PCDH9: variants seen among roughly 807,000 people sequenced by gnomAD.
The protein encoded by PCDH9 is protocadherin-9.
PCDH9 carries 24 observed loss-of-function variants against 70.6 expected under a neutral mutation model. The ratio of observed to expected loss-of-function variants is 0.34; its 90% confidence interval spans 0.25 to 0.48. The LOEUF (loss-of-function observed/expected upper bound fraction) is 0.48, where lower values mean the gene tolerates loss of function less well. Ranked by LOEUF, PCDH9 falls within the 20% of genes least tolerant of loss-of-function variation. The probability of loss-of-function intolerance (pLI) is 0.99; values close to 1 mark genes in which losing one functional copy is unlikely to be tolerated. For missense variants in PCDH9, 1,281 were observed against 1,503.6 expected, an observed-to-expected ratio of 0.85 and a Z score of 2.45; for synonymous variants, 562 against 558.5, an observed-to-expected ratio of 1.01 and a Z score of -0.09.
chr13:66,929,459 G>A lies in PCDH9; in HGVS notation c.3037-25854C>T, dbSNP rs1321383552. On this transcript the variant is annotated intron_variant, in intron 2 of 4. Coordinates refer to ENST00000377865, the MANE Select transcript of PCDH9 (RefSeq NM_203487.3). The stretch of plus-strand genomic sequence containing the variant: ...CTGCCTCAGCCTCCCTTGTAACTGT[G>A]ATTACAGGCATGTGCCACCACACCC... 3.9e-5 allele frequency among the ~76,000 whole-genome samples: 6 copies of A among 151,968 alleles called. No homozygotes were observed. In the South Asian group the frequency reaches 1.3e-3, roughly 32 times the overall value.
intron 2 of PCDH9, among the ~76,000 whole-genome samples, chr13:67,199,836 G>A (rs1055334267): frequency 6.6e-6 from 1 of 151,974 alleles, no homozygotes; most frequent in Admixed American, 6.6e-5. Flanking sequence ...ATTTATGGGT[G>A]GAACGTGAAA....
At chr13:67,183,401 T>C (rs1274103046) in intron 2 of PCDH9, among the ~76,000 whole-genome samples, 1 of 152,198 alleles carries the variant, frequency 6.6e-6, no homozygotes, top group African/African-American at 2.4e-5. Context: ...CTGCTTCCTG[T>C]CTTTTCTTTT....
intron 3 of PCDH9, among the ~76,000 whole-genome samples, chr13:66,675,406 A>G (rs536463572): frequency 2.0e-5 from 3 of 152,296 alleles, no homozygotes; most frequent in South Asian, 2.1e-4. Context: ...TTGCAAACTT[A>G]GTAGAGTCTG....
chr13:67,085,890 C>T (rs889822033), intron 2 of PCDH9, among the ~76,000 whole-genome samples: 4 of 152,072 alleles, frequency 2.6e-5, no homozygotes, highest in South Asian at 2.1e-4. Flanking sequence ...TTTATACATG[C>T]GAATAGGTAA....
chr13:67,144,902 A>G (rs1351688603), intron 2 of PCDH9, among the ~76,000 whole-genome samples: 1 of 152,122 alleles, frequency 6.6e-6, no homozygotes, highest in East Asian at 1.9e-4. Context: ...CATGTTTGTC[A>G]GTGATTTAAA....
intron 4 of PCDH9, among the ~76,000 whole-genome samples, chr13:66,564,314 G>T (rs1316549175): frequency 1.3e-5 from 2 of 151,254 alleles, no homozygotes; most frequent in Non-Finnish European, 2.9e-5. Flanking sequence ...ACAGGTGCAC[G>T]CCACTATGCA....
intron 3 of PCDH9, among the ~76,000 whole-genome samples, chr13:66,652,156 A>T (rs2077861730): frequency 6.6e-6 from 1 of 152,102 alleles, no homozygotes; most frequent in South Asian, 2.1e-4. Flanking sequence ...TAGTTAGAAC[A>T]ATTACACAAG....
At chr13:67,123,422 C>T (rs1010683759) in intron 2 of PCDH9, among the ~76,000 whole-genome samples, 1 of 152,182 alleles carries the variant, frequency 6.6e-6, no homozygotes, top group African/African-American at 2.4e-5. Context: ...AAGAAAGATA[C>T]TTCCTTCCTT....
chr13:66,326,594 A>G (rs929057666), intron 4 of PCDH9, among the ~76,000 whole-genome samples: 33 of 151,710 alleles, frequency 2.2e-4, no homozygotes, highest in South Asian at 4.2e-4. Context: ...GATTTTTTGT[A>G]TTTTCACTAG....
intron 3 of PCDH9, among the ~76,000 whole-genome samples, chr13:66,681,950 CATATATAT>C (rs56280836): frequency 7.7e-6 from 1 of 130,370 alleles, no homozygotes; most frequent in Non-Finnish European, 1.6e-5. Context: ...TATATACAAA[CATATATAT>C]ATATATATAT....
At chr13:67,062,550 T>C (rs562948735) in intron 2 of PCDH9, among the ~76,000 whole-genome samples, 1 of 152,292 alleles carries the variant, frequency 6.6e-6, no homozygotes, top group Admixed American at 6.5e-5. Flanking sequence ...CAGAGACTGA[T>C]GTATATTGAA....
At chr13:66,707,701 A>G (rs2078729623) in intron 3 of PCDH9, among the ~76,000 whole-genome samples, 1 of 152,218 alleles carries the variant, frequency 6.6e-6, no homozygotes. Flanking sequence ...CAGGTCACTC[A>G]CTTATCTTTT....
chr13:67,165,780 A>G (rs1002600814), intron 2 of PCDH9, among the ~76,000 whole-genome samples: 1 of 152,166 alleles, frequency 6.6e-6, no homozygotes, highest in Non-Finnish European at 1.5e-5. Flanking sequence ...TAAAAATACA[A>G]GTTTATTTCC....
At chr13:66,924,507 A>T (rs908351288) in intron 2 of PCDH9, among the ~76,000 whole-genome samples, 2 of 151,674 alleles carry the variant, frequency 1.3e-5, no homozygotes, top group African/African-American at 2.4e-5. Flanking sequence ...ATTCTACTTA[A>T]AATTAGATTC....
chr13:66,859,137 A>G (rs2081440492), intron 3 of PCDH9: 1 of 152,170 alleles, frequency 6.6e-6, no homozygotes, highest in Non-Finnish European at 1.5e-5. Flanking sequence ...CCTGATTTTT[A>G]TAAAGAACAA....
intron 3 of PCDH9, among the ~76,000 whole-genome samples, chr13:66,656,732 G>C (rs772544923): frequency 2.0e-5 from 3 of 152,172 alleles, no homozygotes; most frequent in Admixed American, 6.5e-5. Context: ...ATATTCACTA[G>C]AGAATATTCT....
intron 4 of PCDH9, among the ~76,000 whole-genome samples, chr13:66,472,775 A>T (rs74703945): frequency 6.6e-6 from 1 of 152,028 alleles, no homozygotes; most frequent in Non-Finnish European, 1.5e-5. Flanking sequence ...TTTATTTTAG[A>T]ATCTTCTAAA....
At chr13:67,154,932 C>T (rs2087772749) in intron 2 of PCDH9, among the ~76,000 whole-genome samples, 2 of 151,798 alleles carry the variant, frequency 1.3e-5, no homozygotes, top group Admixed American at 6.6e-5. Context: ...AGTCTGGTCT[C>T]GAACTCCTGA....
intron 3 of PCDH9, among the ~76,000 whole-genome samples, chr13:66,656,480 A>G (rs1431357493): frequency 6.6e-6 from 1 of 152,062 alleles, no homozygotes; most frequent in African/African-American, 2.4e-5. Context: ...GAAAAAAAAA[A>G]TTCTGCAGTT....
Sources: gnomAD v4.1 joint callset for allele counts (sites outside exome capture counted in the v4.1 genomes callset) on GRCh38, gnomAD v4.1.1 for gene constraint, MANE v1.5 for transcripts, NCBI Gene and HGNC (gene_info 2026-07-23, HGNC 2026-07-21) for gene names.